Variants in XKR9 observed in about 807,000 individuals in gnomAD.
The protein encoded by XKR9 is XK-related protein 9.
A neutral mutation model predicts 32.0 loss-of-function variants in XKR9; 32 were observed. That is an observed-to-expected ratio of 1.00 (90% CI 0.76 to 1.34). XKR9 has a LOEUF of 1.34. XKR9 is among the 40% of genes most tolerant of loss of function. The pLI is 0.00. For missense variants in XKR9, 546 were observed against 429.7 expected (o/e 1.27, Z -2.39); for synonymous variants, 168 against 143.4 (o/e 1.17, Z -1.22).
chr8:70,747,974 A>G (rs1200300748), intron 2 of XKR9, among the ~76,000 whole-genome samples: 1 of 152,182 alleles, frequency 6.6e-6, no homozygotes, highest in Non-Finnish European at 1.5e-5. Flanking sequence ...GACTGTGACT[A>G]TCCCTGAAAT....
At chr8:70,930,581 A>C in the XKR9 span, among the ~76,000 whole-genome samples, 1 of 152,230 alleles carries the variant, frequency 6.6e-6, no homozygotes, top group Non-Finnish European at 1.5e-5. Context: ...TAAACCAGAA[A>C]AAAATTATTT....
chr8:70,830,473 G>A, the XKR9 span, among the ~76,000 whole-genome samples: 1 of 152,028 alleles, frequency 6.6e-6, no homozygotes, highest in Non-Finnish European at 1.5e-5. Context: ...TGTAGTCCCA[G>A]CTACTCGGGA....
chr8:70,734,161 A>G lies in XKR9; in HGVS notation c.859A>G (p.Met287Val), dbSNP rs756123830. ...NIKGQNTKCP[M>V]SCYYIVRVLG... ...TAAGGGACAGAATACCAAGTGTCCA[A>G]TGTCTTGTTATTATATTGTTAGGGT... The change falls in exon 5 of 5, where the codon ATG becomes GTG. Residue 287 changes from methionine to valine, a missense_variant. Transcript: ENST00000408926. 2.5e-6 allele frequency: 4 copies of G among 1,612,706 alleles called. No homozygotes were observed. Among genetic ancestry groups the G allele is most frequent in the Admixed American group, 1.7e-5 (1 of 59,912 alleles).
At chr8:70,675,204 G>C (rs1182609967) in intron 2 of XKR9, among the ~76,000 whole-genome samples, 1 of 152,046 alleles carries the variant, frequency 6.6e-6, no homozygotes, top group Non-Finnish European at 1.5e-5. Context: ...AGGTGGGTGG[G>C]TCACTTGAGG....
chr8:70,964,533 T>C, the XKR9 span, among the ~76,000 whole-genome samples: 1 of 152,246 alleles, frequency 6.6e-6, no homozygotes, highest in Non-Finnish European at 1.5e-5. Flanking sequence ...AGGAATAGCA[T>C]TGAATCTATA....
the XKR9 span, among the ~76,000 whole-genome samples, chr8:71,012,683 T>G: frequency 1.3e-5 from 2 of 152,148 alleles, no homozygotes; most frequent in Non-Finnish European, 2.9e-5. Context: ...TTTTTTCTCA[T>G]CTAGTCCTCA....
chr8:70,969,507 G>A, the XKR9 span, among the ~76,000 whole-genome samples: 2 of 152,186 alleles, frequency 1.3e-5, no homozygotes, highest in Non-Finnish European at 2.9e-5. Context: ...TGGGTATCCT[G>A]AATGTAAATG....
At chr8:70,841,175 CTA>C in the XKR9 span, among the ~76,000 whole-genome samples, 1 of 152,000 alleles carries the variant, frequency 6.6e-6, no homozygotes, top group Non-Finnish European at 1.5e-5. Context: ...AATCATAACA[CTA>C]TTTTAATTTT....
the XKR9 span, among the ~76,000 whole-genome samples, chr8:70,943,455 G>A: frequency 6.6e-6 from 1 of 152,192 alleles, no homozygotes; most frequent in East Asian, 1.9e-4. Context: ...AAAATTAAGG[G>A]AAAACTGGGA....
At chr8:70,782,506 A>AT (rs1415978141) in intron 2 of XKR9, among the ~76,000 whole-genome samples, 2 of 151,726 alleles carry the variant, frequency 1.3e-5, no homozygotes, top group Non-Finnish European at 2.9e-5. Context: ...TCCTTCTGAG[A>AT]TTTTTTACCC....
intron 2 of XKR9, among the ~76,000 whole-genome samples, chr8:70,771,693 G>C (rs1377746520): frequency 2.0e-5 from 3 of 152,196 alleles, no homozygotes; most frequent in Non-Finnish European, 4.4e-5. Context: ...TGTGGCCTAT[G>C]TTCTTTGGTA....
At chr8:70,678,183 AT>A (rs1219953644) in intron 2 of XKR9, 4 of 152,162 alleles carry the variant, frequency 2.6e-5, no homozygotes, top group Non-Finnish European at 5.9e-5. Flanking sequence ...ACAGCCCATG[AT>A]ATGCCCATCT....
At chr8:71,042,863 T>G in the XKR9 span, among the ~76,000 whole-genome samples, 2 of 152,184 alleles carry the variant, frequency 1.3e-5, no homozygotes, top group African/African-American at 2.4e-5. Context: ...CTGGTGGTTA[T>G]GCCGTTGCTT....
the XKR9 span, among the ~76,000 whole-genome samples, chr8:70,868,313 A>G: frequency 6.6e-6 from 1 of 152,082 alleles, no homozygotes; most frequent in Non-Finnish European, 1.5e-5. Flanking sequence ...CTTCCCTAGC[A>G]GAGGGTCTCC....
the XKR9 span, among the ~76,000 whole-genome samples, chr8:70,845,393 TACA>T: frequency 6.6e-6 from 1 of 152,086 alleles, no homozygotes; most frequent in Non-Finnish European, 1.5e-5. Flanking sequence ...GCCGAGGAAA[TACA>T]ACATCTCCAA....
chr8:70,941,711 A>G, the XKR9 span, among the ~76,000 whole-genome samples: 1 of 152,282 alleles, frequency 6.6e-6, no homozygotes, highest in South Asian at 2.1e-4. Flanking sequence ...TTACATTTTC[A>G]AATTATGGGA....
chr8:70,848,346 A>T, the XKR9 span, among the ~76,000 whole-genome samples: 125 of 152,184 alleles, frequency 8.2e-4, 1 homozygote, highest in Admixed American at 2.6e-3. Context: ...CTAGCATCAT[A>T]TTGAATGGGG....
At chr8:71,035,539 G>A in the XKR9 span, among the ~76,000 whole-genome samples, 1 of 152,168 alleles carries the variant, frequency 6.6e-6, no homozygotes, top group Admixed American at 6.5e-5. Flanking sequence ...GAATTTGGTG[G>A]CAGAATTGCT....
At chr8:70,799,247 T>G in the XKR9 span, among the ~76,000 whole-genome samples, 3 of 152,160 alleles carry the variant, frequency 2.0e-5, no homozygotes, top group Admixed American at 2.0e-4. Flanking sequence ...TTGTAATTCT[T>G]ATTGTAGAGA....
Sources: gnomAD v4.1 joint callset for allele counts (sites outside exome capture counted in the v4.1 genomes callset) on GRCh38, gnomAD v4.1.1 for gene constraint, MANE v1.5 for transcripts, NCBI Gene and HGNC (gene_info 2026-07-23, HGNC 2026-07-21) for gene names.